The following KIAA2013 variants were observed in gnomAD, a reference collection of about 807,000 sequenced individuals.
The protein encoded by KIAA2013 is KIAA2013.
In KIAA2013, 20 loss-of-function variants were observed where a neutral mutation model predicts 39.9. The observed-to-expected ratio is 0.50, with a 90% confidence interval of 0.35 to 0.73. The LOEUF (loss-of-function observed/expected upper bound fraction) is 0.73, where lower values mean the gene tolerates loss of function less well. Among genes scored for constraint, KIAA2013 ranks in the 30% least tolerant of loss-of-function variants. The probability of loss-of-function intolerance (pLI) is 0.01; values close to 1 mark genes in which losing one functional copy is unlikely to be tolerated. For synonymous variants in KIAA2013, 336 were observed against 416.6 expected (o/e 0.81, Z 2.35); for missense variants, 587 against 856.1 (o/e 0.69, Z 3.92).
chr1:11,926,388 C>T lies in KIAA2013; in HGVS notation c.-151G>A, dbSNP rs1645508311. On this transcript the variant is annotated 5_prime_UTR_variant, in exon 1 of 3. Transcript: ENST00000376572. Reference sequence around the variant, plus strand: ...ACCGCCGCAGCAGCCGCCACCCCTGCTTCCTCCTTCTTCTCGGTGGCCTCC... The same window carrying T: ...ACCGCCGCAGCAGCCGCCACCCCTGTTTCCTCCTTCTTCTCGGTGGCCTCC... 1.1e-5 allele frequency: 2 copies of T among 179,882 alleles called. No homozygotes were observed. The highest frequency in any genetic ancestry group is 2.2e-5 in the Non-Finnish European group (2 of 92,798). 11.1% of individuals were successfully genotyped at this position (179,882 alleles called of 1,614,324 possible). A position where few individuals can be genotyped will look rare whatever the true frequency, so the allele number is the denominator to read the frequency against.
chr1:11,922,552 C>A (rs541442644), intron 2 of KIAA2013, 84 bp downstream of exon 2: 4 of 1,566,700 alleles, frequency 2.6e-6, no homozygotes, highest in East Asian at 4.7e-5. Context: ...GCCTCACCCC[C>A]CCTCGCCAGG....
chr1:11,924,546 G>T (rs552905909), intron 1 of KIAA2013, among the ~76,000 whole-genome samples: 1 of 152,260 alleles, frequency 6.6e-6, no homozygotes, highest in African/African-American at 2.4e-5. Flanking sequence ...CCTGGCAGAA[G>T]CATTCAATAG....
At position 11,923,537 on chromosome 1, in the gene KIAA2013, G is replaced by T; in HGVS notation, c.1034-48C>A. The T allele has an allele frequency of 1.9e-6, 3 of 1,586,734 alleles. No homozygotes were observed. Among genetic ancestry groups the T allele is most frequent in the South Asian group, 2.2e-5 (2 of 89,534 alleles). ...TGTTAAGGGGGAAGGACAGCTGGGAGGCAGAGCATACGAAATAAAGACCAA... is the reference window on the plus strand; with the variant it reads ...TGTTAAGGGGGAAGGACAGCTGGGATGCAGAGCATACGAAATAAAGACCAA... On this transcript the variant is annotated intron_variant, in intron 1 of 2. Coordinates refer to ENST00000376572, the MANE Select transcript of KIAA2013 (RefSeq NM_138346.3). The surrounding 1 kb of genome is among the most constrained non-coding windows in gnomAD (Gnocchi z 4.6).
chr1:11,925,006 G>T lies in KIAA2013; in HGVS notation c.1033+199C>A, dbSNP rs1033048437. On this transcript the variant is annotated intron_variant, in intron 1 of 2. Coordinates refer to ENST00000376572, the MANE Select transcript of KIAA2013 (RefSeq NM_138346.3). This position sits in a 1 kb window ranked among gnomAD's most constrained non-coding sequence, Gnocchi z 5.2. ...CTCATAAAAACCTTCTGAGGTAGGC[G>T]TTATTGTTATTAAATACAGGCCCAG... Among the ~76,000 whole-genome samples, 1 of 152,212 alleles carries T rather than the reference G, an allele frequency of 6.6e-6. No homozygotes were observed. The highest frequency in any genetic ancestry group is 1.5e-5 in the Non-Finnish European group (1 of 68,044).
rs775950416 is a variant in KIAA2013, at chr1:11,925,458, G to A, written c.780C>T (p.His260=). ...RSPPTPTGLV[H]LVVVAAKKLV... is the part of the protein sequence containing the mutation. ...GCTTCTTGGCGGCCACCACCACCAGGTGCACCAACCCAGTGGGCGTAGGCG... is the reference window on the plus strand; with the variant it reads ...GCTTCTTGGCGGCCACCACCACCAGATGCACCAACCCAGTGGGCGTAGGCG... Residue 260 remains histidine (H), a synonymous_variant, in exon 1 of 3, where the codon CAC becomes CAT. Transcript: ENST00000376572. This position sits in a 1 kb window ranked among gnomAD's most constrained non-coding sequence, Gnocchi z 5.2. 2.5e-6 allele frequency: 4 copies of A among 1,611,170 alleles called. No individual in the cohort carries two copies. The highest frequency in any genetic ancestry group is 3.3e-5 in the Admixed American group (2 of 59,872).
Position 11,920,034 on chromosome 1 carries a change from A to T in KIAA2013, c.*281T>A. 1 of 494,194 alleles carries T rather than the reference A, an allele frequency of 2.0e-6. No homozygotes were observed. Among genetic ancestry groups the T allele is most frequent in the African/African-American group, 2.0e-5 (1 of 50,840 alleles). The allele number at this position is 494,194 out of a possible 1,614,324, so 30.6% of individuals were successfully genotyped here. On this transcript the variant is annotated 3_prime_UTR_variant, in exon 3 of 3. Coordinates refer to ENST00000376572, the MANE Select transcript of KIAA2013 (RefSeq NM_138346.3). ...ATTTCCTGGGACAGAAGAAAGGGGG[A>T]AAGTGGAAGGAGTGAGTTCCATTTC... is the stretch of plus-strand genomic sequence containing the variant.
chr1:11,921,825 T>C lies in KIAA2013; in HGVS notation c.1887+811A>G, dbSNP rs1412096821. On this transcript the variant is annotated intron_variant, in intron 2 of 2. Coordinates refer to ENST00000376572, the MANE Select transcript of KIAA2013 (RefSeq NM_138346.3). ...TCAGCCTCCCAAAGTACTGGGATTA[T>C]AGGCATGAGCCACTGCACCCAGCCT... Among the ~76,000 whole-genome samples, 9 of 152,094 alleles carry C rather than the reference T, an allele frequency of 5.9e-5. No individual in the cohort carries two copies. In the East Asian group the frequency reaches 1.3e-3, roughly 23 times the overall value.
rs1645467548 is a variant in KIAA2013 at position 11,920,415 on chromosome 1, C to G, written c.1888-83G>C. 8.0e-6 allele frequency: 11 copies of G among 1,369,958 alleles called. No homozygotes were observed. In the East Asian group the frequency reaches 2.5e-4, roughly 31 times the overall value. 84.9% of individuals were successfully genotyped at this position (1,369,958 alleles called of 1,614,324 possible). A position where few individuals can be genotyped will look rare whatever the true frequency, so the allele number is the denominator to read the frequency against. ...TATAGAAATAGGCTACGGAGACAAC[C>G]CTAGTGGCACCACACCCTGGCTCTG... On this transcript the variant is annotated intron_variant, in intron 2 of 2. Transcript: ENST00000376572.
At position 11,919,724 on chromosome 1, in the gene KIAA2013, G is replaced by A. The variant is rs1244211974; in HGVS notation, c.*591C>T. 6.5e-6 allele frequency: 1 copy of A among 153,068 alleles called. No individual in the cohort carries two copies. The highest frequency in any genetic ancestry group is 1.5e-5 in the Non-Finnish European group (1 of 68,726). 9.5% of individuals were successfully genotyped at this position (153,068 alleles called of 1,614,324 possible). On this transcript the variant is annotated 3_prime_UTR_variant, in exon 3 of 3. Transcript: ENST00000376572. ...AAGTACAAAACCACAGATGTCCACA[G>A]GCTCCTAAAAAAGGGCGTGCAAACC...
rs553658696 is a variant in KIAA2013, at chr1:11,922,769, T to C, written c.1754A>G (p.Gln585Arg). ...GAGGAAGGGCAGCCCGGGGTCCTGC[T>C]GGGCCATGTGCTCATCATGGGCCAG... ...AILAHDEHMA[Q>R]QDPGLPFLFW... Residue 585 changes from glutamine (Q) to arginine (R), a missense_variant, in exon 2 of 3, where the codon CAG (glutamine) becomes CGG (arginine). Gln to Arg is a conservative substitution (Grantham distance 43). Coordinates refer to ENST00000376572, the MANE Select transcript of KIAA2013 (RefSeq NM_138346.3). 6.2e-7 allele frequency: 1 copy of C among 1,614,078 alleles called. No individual in the cohort carries two copies. The highest frequency in any genetic ancestry group is 1.7e-5 in the Admixed American group (1 of 60,014).
At chr1:11,921,559 TA>T (rs1363602730) in intron 2 of KIAA2013, among the ~76,000 whole-genome samples, 1 of 151,778 alleles carries the variant, frequency 6.6e-6, no homozygotes, top group East Asian at 1.9e-4. Context: ...ATTTATTTTT[TA>T]TTTTTTTGAG....
At position 11,925,225 on chromosome 1, in the gene KIAA2013, C is replaced by T; in HGVS notation, c.1013G>A (p.Trp338Ter). The change falls in exon 1 of 3, where the codon TGG becomes TAG. Residue 338 changes from tryptophan (W) to a stop codon, truncating the protein, a stop_gained. Coordinates refer to ENST00000376572, the MANE Select transcript of KIAA2013 (RefSeq NM_138346.3). LOFTEE classifies it high-confidence loss of function. This position sits in a 1 kb window ranked among gnomAD's most constrained non-coding sequence, Gnocchi z 5.2. ...AELLQDHQLL[W>*]AQLFSPGVEM... ...CTCACCTGGGCTGAAGAGCTGAGCC[C>T]AGAGGAGCTGGTGGTCTTGAAGCAG... 2 of 1,593,964 alleles carry T rather than the reference C, an allele frequency of 1.3e-6. No individual in the cohort carries two copies. The highest frequency in any genetic ancestry group is 1.7e-6 in the Non-Finnish European group (2 of 1,169,358).
At chr1:11,924,303 G>A (rs967606277) in intron 1 of KIAA2013, among the ~76,000 whole-genome samples, 2 of 143,572 alleles carry the variant, frequency 1.4e-5, no homozygotes, top group East Asian at 4.7e-4. Context: ...CGTTGGCCAG[G>A]TTGGCTTGAA....
Position 11,925,972 on chromosome 1 carries a change from A to G in KIAA2013, c.266T>C (p.Val89Ala). Residue 89 changes from valine to alanine, a missense_variant, in exon 1 of 3, where the codon GTG (valine) becomes GCG (alanine). Val to Ala is a moderately conservative substitution (Grantham distance 64, BLOSUM62 0). Coordinates refer to ENST00000376572, the MANE Select transcript of KIAA2013 (RefSeq NM_138346.3). The surrounding 1 kb of genome is among the most constrained non-coding windows in gnomAD (Gnocchi z 5.2). ...GAAGCCGTTGGCCACCAGGGCCGGCACTCCAGGACCCAGCGGTACCACCTC... is the reference window on the plus strand; with the variant it reads ...GAAGCCGTTGGCCACCAGGGCCGGCGCTCCAGGACCCAGCGGTACCACCTC... The part of the protein sequence containing the change: ...RGEVVPLGPG[V>A]PALVANGFLA... 1 of 1,537,502 alleles carries G rather than the reference A, an allele frequency of 6.5e-7. No homozygotes were observed. Among genetic ancestry groups the G allele is most frequent in the Non-Finnish European group, 8.7e-7 (1 of 1,149,886 alleles).
intron 2 of KIAA2013, chr1:11,922,357 C>T: frequency 7.0e-7 from 1 of 1,425,784 alleles, no homozygotes; most frequent in Non-Finnish European, 9.1e-7. Flanking sequence ...ACCCAGCTTG[C>T]AGTTATTTTT....
At position 11,926,140 on chromosome 1, in the gene KIAA2013, A is replaced by G; in HGVS notation, c.98T>C (p.Leu33Pro). Residue 33 changes from leucine to proline, a missense_variant, in exon 1 of 3, where the codon CTG (leucine) becomes CCG (proline). Physicochemically the swap from Leu to Pro is moderately conservative, Grantham distance 98 (BLOSUM62 -3). Transcript: ENST00000376572. ...CCGCGCGCCGGACCCCCCAAACCAC[A>G]GAAGCAGCAGCAGGAGGCCAAGCAG... ...LCLLGLLLLL[L>P]WFGGSGARRA... The G allele has an allele frequency of 7.1e-7, 1 of 1,402,634 alleles. No individual in the cohort carries two copies. The highest frequency in any genetic ancestry group is 9.3e-7 in the Non-Finnish European group (1 of 1,072,124). 86.9% of individuals were successfully genotyped at this position (1,402,634 alleles called of 1,614,324 possible).
chr1:11,923,589 C>T lies in KIAA2013; in HGVS notation c.1034-100G>A. On this transcript the variant is annotated intron_variant, in intron 1 of 2. Coordinates refer to ENST00000376572, the MANE Select transcript of KIAA2013 (RefSeq NM_138346.3). The surrounding 1 kb of genome is among the most constrained non-coding windows in gnomAD (Gnocchi z 4.6). The stretch of plus-strand genomic sequence containing the variant: ...GGCAGCAGAAGAGTGAGGTGTTGTG[C>T]CTTAATGATAAAGACAGTGGTGCCC... 7.9e-7 allele frequency: 1 copy of T among 1,261,786 alleles called. No homozygotes were observed. The highest frequency in any genetic ancestry group is 1.1e-6 in the Non-Finnish European group (1 of 898,678). 78.2% of individuals were successfully genotyped at this position (1,261,786 alleles called of 1,614,324 possible).
At chr1:11,924,519 C>T (rs886129581) in intron 1 of KIAA2013, among the ~76,000 whole-genome samples, 3 of 152,122 alleles carry the variant, frequency 2.0e-5, no homozygotes, top group Non-Finnish European at 4.4e-5. Context: ...TCTGCACCCC[C>T]CCATGCATAG....
Position 11,923,626 on chromosome 1 carries a change from G to A in KIAA2013, c.1034-137C>T. On this transcript the variant is annotated intron_variant, in intron 1 of 2. Transcript: ENST00000376572. This position sits in a 1 kb window ranked among gnomAD's most constrained non-coding sequence, Gnocchi z 4.6. ...AGACAGTGGTGCCCATCTCCCTAAA[G>A]TATAGAAGAAAGTCAGCCTGTCTTG... is the stretch of plus-strand genomic sequence containing the variant. The A allele has an allele frequency of 1.1e-6, 1 of 929,890 alleles. No homozygotes were observed. The highest frequency in any genetic ancestry group is 1.6e-5 in the South Asian group (1 of 63,042). 57.6% of individuals were successfully genotyped at this position (929,890 alleles called of 1,614,324 possible).
Sources: gnomAD v4.1 joint callset for allele counts (sites outside exome capture counted in the v4.1 genomes callset) on GRCh38, gnomAD v4.1.1 for gene constraint, Gnocchi (gnomAD v3.1) non-coding constraint, MANE v1.5 for transcripts, NCBI Gene and HGNC (gene_info 2026-07-23, HGNC 2026-07-21) for gene names.